The following PPP4R4 variants were observed in gnomAD, a reference collection of about 807,000 sequenced individuals.
PPP4R4 encodes protein phosphatase 4 regulatory subunit 4.
Under a neutral mutation model 121.8 loss-of-function variants are expected in PPP4R4, and 70 were observed. The ratio of observed to expected loss-of-function variants is 0.57; its 90% CI spans 0.47 to 0.70. PPP4R4 has a LOEUF of 0.70. PPP4R4 is among the 30% of genes least tolerant of loss of function. The pLI, the probability that PPP4R4 is intolerant of heterozygous loss-of-function variation, is 0.00. For missense variants in PPP4R4, 875 were observed against 1,033.6 expected (o/e 0.85, Z 2.10); for synonymous variants, 348 against 355.7 (o/e 0.98, Z 0.24).
intron 2 of PPP4R4, among the ~76,000 whole-genome samples, chr14:94,203,543 A>C (rs1343269407): frequency 2.6e-5 from 4 of 152,150 alleles, no homozygotes; most frequent in African/African-American, 7.2e-5. Context: ...TTTTATGTGA[A>C]CAGAAATTTT....
intron 2 of PPP4R4, among the ~76,000 whole-genome samples, chr14:94,187,256 A>G (rs1434970843): frequency 6.6e-6 from 1 of 152,120 alleles, no homozygotes; most frequent in East Asian, 1.9e-4. Flanking sequence ...CAGTGAGCCA[A>G]GATCGCGCCA....
Position 94,251,761 on chromosome 14 carries a change from GA to G in PPP4R4, c.1735del (p.Ser579ValfsTer16). 1 of 1,550,752 alleles carries G rather than the reference GA, an allele frequency of 6.4e-7. No individual in the cohort carries two copies. The highest frequency in any genetic ancestry group is 2.3e-5 in the East Asian group (1 of 43,388). On this transcript the variant is annotated frameshift_variant, in exon 16 of 25. Transcript: ENST00000304338. LOFTEE classifies it high-confidence loss of function. ...IQKLIEQLGQGKSYWNRLRFL... is the reference protein window; with the variant it reads ...IQKLIEQLGQXKSYWNRLRFL... ...TTGTTGTTTCTAGAATTGGGCCAAG[GA>G]AAAAGTTACTGGAATAGACTTCGAT...
At chr14:94,249,558 C>G (rs1247461067) in intron 14 of PPP4R4, among the ~76,000 whole-genome samples, 1 of 151,854 alleles carries the variant, frequency 6.6e-6, no homozygotes, top group Non-Finnish European at 1.5e-5. Context: ...TGGTTTGAAC[C>G]CAAACCCAGG....
At chr14:94,262,916 A>G (rs1893859236) in intron 19 of PPP4R4, among the ~76,000 whole-genome samples, 1 of 152,066 alleles carries the variant, frequency 6.6e-6, no homozygotes, top group African/African-American at 2.4e-5. Context: ...CCTTTTCCTT[A>G]CTGCATTCTA....
intron 16 of PPP4R4, among the ~76,000 whole-genome samples, chr14:94,254,331 A>G (rs969192946): frequency 1.1e-4 from 16 of 152,208 alleles, no homozygotes; most frequent in Non-Finnish European, 5.9e-5. Context: ...AGTTTAGACA[A>G]TGTCAAGCTG....
At chr14:94,242,620 T>C (rs1213058258) in intron 11 of PPP4R4, among the ~76,000 whole-genome samples, 1 of 152,194 alleles carries the variant, frequency 6.6e-6, no homozygotes, top group East Asian at 1.9e-4. Context: ...TGTATTCTTT[T>C]ATTAACCCAT....
intron 23 of PPP4R4, among the ~76,000 whole-genome samples, chr14:94,274,380 A>G (rs565469041): frequency 1.7e-4 from 26 of 152,286 alleles, no homozygotes; most frequent in African/African-American, 6.0e-4. Context: ...TACTCATAGC[A>G]TATGTACCAG....
At chr14:94,213,378 T>G (rs543097998) in intron 3 of PPP4R4, among the ~76,000 whole-genome samples, 1 of 152,212 alleles carries the variant, frequency 6.6e-6, no homozygotes, top group Non-Finnish European at 1.5e-5. Flanking sequence ...CAGAGAAATC[T>G]TTTAAAAAGC....
intron 17 of PPP4R4, among the ~76,000 whole-genome samples, 178 bp from the exon 18 acceptor site, chr14:94,258,605 A>T (rs754434887): frequency 7.2e-5 from 11 of 152,182 alleles, no homozygotes; most frequent in Non-Finnish European, 1.0e-4. Flanking sequence ...GCATGATTGT[A>T]TAAAGATTGA....
chr14:94,269,014 A>G (rs61603374), intron 23 of PPP4R4, among the ~76,000 whole-genome samples: 4,682 of 152,300 alleles, frequency 0.031, 194 homozygotes, highest in African/African-American at 0.09. Context: ...AATATCTCCT[A>G]GAGTTCTTGG....
chr14:94,273,994 C>T (rs1450489000), intron 23 of PPP4R4, among the ~76,000 whole-genome samples: 1 of 151,982 alleles, frequency 6.6e-6, no homozygotes, highest in African/African-American at 2.4e-5. Flanking sequence ...ATCCATCATC[C>T]CCTCTGACAC....
At chr14:94,228,032 C>A (rs146831031) in intron 3 of PPP4R4, among the ~76,000 whole-genome samples, 1 of 152,124 alleles carries the variant, frequency 6.6e-6, no homozygotes, top group Non-Finnish European at 1.5e-5. Context: ...TTCTCTCAGC[C>A]AAGAACTCTC....
intron 16 of PPP4R4, 137 bp downstream of exon 16, chr14:94,252,033 C>G: frequency 3.0e-6 from 2 of 667,026 alleles, no homozygotes; most frequent in Non-Finnish European, 2.4e-6. Flanking sequence ...TCTTAGTATT[C>G]ATAATTGATG....
chr14:94,254,806 A>G (rs921235256), intron 16 of PPP4R4, among the ~76,000 whole-genome samples: 1 of 152,214 alleles, frequency 6.6e-6, no homozygotes, highest in Non-Finnish European at 1.5e-5. Flanking sequence ...TTCCTCTGAA[A>G]TGCCTCCTCC....
chr14:94,175,292 G>A (rs1378863951), intron 1 of PPP4R4, among the ~76,000 whole-genome samples: 1 of 151,744 alleles, frequency 6.6e-6, no homozygotes, highest in African/African-American at 2.4e-5. Context: ...GCGACCCTTT[G>A]CCGCCATCCT....
intron 21 of PPP4R4, 90 bp downstream of exon 21, chr14:94,265,563 G>T: frequency 7.9e-6 from 9 of 1,133,870 alleles, no homozygotes; most frequent in African/African-American, 1.6e-5. Flanking sequence ...ATGAGATACA[G>T]TAGGATAATA....
chr14:94,275,384 C>A lies in PPP4R4; in HGVS notation c.2460C>A (p.Phe820Leu), dbSNP rs200798794. ...TSVLSLADDS[F>L]RTRNASSVPS... ...ATGTATTGCTTTCAGATGATTCATT[C>A]CGGACTCGTAATGCCAGTAGCGTTC... Residue 820 changes from phenylalanine (F) to leucine (L), a missense_variant, in exon 24 of 25, where the codon TTC becomes TTA. Transcript: ENST00000304338. The A allele has an allele frequency of 1.1e-4, 185 of 1,613,926 alleles. No homozygotes were observed. The highest frequency in any genetic ancestry group is 3.3e-4 in the Middle Eastern group (2 of 6,062).
At chr14:94,241,019 G>A (rs1892604604) in intron 9 of PPP4R4, among the ~76,000 whole-genome samples, 1 of 152,044 alleles carries the variant, frequency 6.6e-6, no homozygotes, top group Non-Finnish European at 1.5e-5. Flanking sequence ...AATGAAGTAA[G>A]CATAGCTCTT....
At chr14:94,258,674 A>C in intron 17 of PPP4R4, 109 bp from the exon 18 acceptor site, 1 of 729,162 alleles carries the variant, frequency 1.4e-6, no homozygotes, top group South Asian at 1.6e-5. Context: ...TCTTCCCCCT[A>C]GTGCAGAAGT....
Sources: allele counts gnomAD v4.1 joint callset (sites outside exome capture counted in the v4.1 genomes callset), GRCh38; gene constraint gnomAD v4.1.1; transcripts MANE v1.5; gene names NCBI Gene and HGNC (gene_info 2026-07-23, HGNC 2026-07-21).